PKD2L1: variants seen among roughly 807,000 people sequenced by gnomAD.
PKD2L1 encodes the protein polycystin-2-like protein 1.
Under a neutral mutation model 93.0 loss-of-function variants are expected in PKD2L1, and 77 were observed. The ratio of observed to expected loss-of-function variants is 0.83; its 90% CI spans 0.69 to 1.00. The LOEUF (loss-of-function observed/expected upper bound fraction) is 1.00, where lower values mean the gene tolerates loss of function less well. Ranked by LOEUF, PKD2L1 falls within the 50% of genes least tolerant of loss-of-function variation. The probability of loss-of-function intolerance (pLI) is 0.00; values close to 1 mark genes in which losing one functional copy is unlikely to be tolerated. For missense variants in PKD2L1, 977 were observed against 990.9 expected, an observed-to-expected ratio of 0.99 and a Z score of 0.19; for synonymous variants, 390 against 388.0, an observed-to-expected ratio of 1.01 and a Z score of -0.06.
chr10:100,312,299 G>A (rs1158274329), intron 2 of PKD2L1, among the ~76,000 whole-genome samples: 1 of 152,222 alleles, frequency 6.6e-6, no homozygotes, highest in Admixed American at 6.5e-5. Context: ...TAGGGCTTAG[G>A]TTCAGAAGAT....
chr10:100,299,937 C>A (rs1456621797), intron 2 of PKD2L1, among the ~76,000 whole-genome samples: 4 of 152,204 alleles, frequency 2.6e-5, no homozygotes, highest in Non-Finnish European at 5.9e-5. Flanking sequence ...CTTCTTCCAA[C>A]CCACCTCAGA....
intron 10 of PKD2L1, 44 bp downstream of exon 10, chr10:100,293,237 G>A: frequency 6.6e-7 from 1 of 1,517,230 alleles, no homozygotes; most frequent in East Asian, 2.3e-5. Flanking sequence ...CCTTAGACTG[G>A]GGCACTGATG....
At chr10:100,292,913 T>G (rs764404324) in intron 11 of PKD2L1, 35 bp downstream of exon 11, 3 of 1,602,282 alleles carry the variant, frequency 1.9e-6, no homozygotes, top group Admixed American at 1.7e-5. Flanking sequence ...CTTAAGAGAC[T>G]GTTATTAGAG....
intron 12 of PKD2L1, 62 bp from the exon 13 acceptor site, chr10:100,290,581 T>A: frequency 1.0e-6 from 1 of 1,000,588 alleles, no homozygotes; most frequent in Non-Finnish European, 1.6e-6. Context: ...CAGCTCCTGT[T>A]CTATCACCTA....
chr10:100,318,971 G>A (rs1385556289), intron 2 of PKD2L1, among the ~76,000 whole-genome samples: 1 of 151,166 alleles, frequency 6.6e-6, no homozygotes, highest in Non-Finnish European at 1.5e-5. Flanking sequence ...TCAGCTTCCC[G>A]AGTAGCTGGG....
In PKD2L1 at chr10:100,330,162, G is replaced by A; in HGVS notation, c.-59C>T. The A allele has an allele frequency of 1.8e-6, 2 of 1,110,502 alleles. No individual in the cohort carries two copies. Among genetic ancestry groups the A allele is most frequent in the Admixed American group, 2.2e-5 (1 of 44,694 alleles). 68.8% of individuals were successfully genotyped at this position (1,110,502 alleles called of 1,614,324 possible). On this transcript the variant is annotated 5_prime_UTR_variant, in exon 1 of 16. Transcript: ENST00000318222. ...TGCCCACTCTCAGCTAGAGGAAGAG[G>A]GAGCAGAGGCACAGCCCAGCCTAGC...
At chr10:100,290,234 A>G in intron 13 of PKD2L1, 96 bp from the exon 14 acceptor site, 4 of 1,514,906 alleles carry the variant, frequency 2.6e-6, no homozygotes, top group Non-Finnish European at 3.6e-6. Context: ...ATGTGTCCTG[A>G]ATGGAACAAG....
intron 3 of PKD2L1, among the ~76,000 whole-genome samples, 189 bp downstream of exon 3, chr10:100,299,402 T>C (rs1032616813): frequency 6.6e-6 from 1 of 152,208 alleles, no homozygotes; most frequent in African/African-American, 2.4e-5. Context: ...AATTCCCTGA[T>C]TGCTGTATTA....
chr10:100,314,983 GAAGGAAGGAAGGAAGGAAGGAA>G (rs1439939870), intron 2 of PKD2L1, among the ~76,000 whole-genome samples: 1 of 15,486 alleles, frequency 6.5e-5, no homozygotes, highest in Non-Finnish European at 1.2e-4. Flanking sequence ...AGGAAGGAAG[GAAGGAAGGAAGGAAGGAAGGAA>G]GGAAGGAAGG....
intron 2 of PKD2L1, among the ~76,000 whole-genome samples, chr10:100,319,488 A>G (rs998472881): frequency 6.6e-6 from 1 of 152,234 alleles, no homozygotes; most frequent in African/African-American, 2.4e-5. Flanking sequence ...TTACAGCCAC[A>G]CAGGAACTCA....
intron 9 of PKD2L1, 97 bp from the exon 10 acceptor site, chr10:100,293,476 G>T: frequency 1.2e-6 from 1 of 801,934 alleles, no homozygotes; most frequent in East Asian, 2.5e-5. Context: ...GTGTTCCAAA[G>T]GGGTCAGTGC....
chr10:100,322,210 G>T (rs1303646256), intron 2 of PKD2L1, among the ~76,000 whole-genome samples: 1 of 151,960 alleles, frequency 6.6e-6, no homozygotes, highest in Non-Finnish European at 1.5e-5. Context: ...ACAGAGCAAG[G>T]CCCGGTCTCA....
chr10:100,308,053 G>A (rs748829762), intron 2 of PKD2L1, among the ~76,000 whole-genome samples: 2 of 152,176 alleles, frequency 1.3e-5, no homozygotes, highest in Non-Finnish European at 2.9e-5. Flanking sequence ...GAGAATGTGC[G>A]AAGGGGTTTC....
rs545125291 is a variant in PKD2L1 at position 100,293,020 on chromosome 10, G to A, written c.1808C>T (p.Ser603Leu). 37 of 1,614,090 alleles carry A rather than the reference G, an allele frequency of 2.3e-5. No homozygotes were observed. The East Asian group carries it at 7.6e-4, about 33-fold the overall frequency. ...ACCCTGCAGGACCTTCTGCACATCC[G>A]AAACCCTCTCCTTCCTCAGACGCAG... ...LRLRLRKERV[S>L]DVQKVLQGGE... The change falls in exon 11 of 16, where the codon TCG becomes TTG. Residue 603 changes from serine (S) to leucine (L), a missense_variant. Coordinates refer to ENST00000318222, the MANE Select transcript of PKD2L1 (RefSeq NM_016112.3).
intron 11 of PKD2L1, among the ~76,000 whole-genome samples, chr10:100,292,707 T>C (rs1848431277): frequency 6.6e-6 from 1 of 152,162 alleles, no homozygotes. Flanking sequence ...ATTATTACAT[T>C]GTTTCCTAAG....
intron 2 of PKD2L1, among the ~76,000 whole-genome samples, chr10:100,326,151 T>C (rs1849374436): frequency 6.6e-6 from 1 of 152,190 alleles, no homozygotes. Context: ...ACTTCTGCCC[T>C]CTCCTCAGGA....
Position 100,288,459 on chromosome 10 carries a change from TTC to T in PKD2L1, c.2353_2354del (p.Glu785ArgfsTer13). The T allele has an allele frequency of 6.2e-7, 1 of 1,610,466 alleles. No homozygotes were observed. Among genetic ancestry groups the T allele is most frequent in the South Asian group, 1.1e-5 (1 of 91,006 alleles). On this transcript the variant is annotated frameshift_variant, in exon 16 of 16. Coordinates refer to ENST00000318222, the MANE Select transcript of PKD2L1 (RefSeq NM_016112.3). LOFTEE classifies it low-confidence loss of function (END_TRUNC). ...GTCTCCTCTCCTCTAAGGCTTCCTC[TTC>T]TCTTTTATAGGGAACCTCTGTGGGG... is the stretch of plus-strand genomic sequence containing the variant. The part of the protein sequence containing the change: ...GQESEVPYKR[E>X]EEALEERRLS...
intron 2 of PKD2L1, among the ~76,000 whole-genome samples, chr10:100,316,738 G>A (rs919593259): frequency 6.6e-6 from 1 of 152,156 alleles, no homozygotes; most frequent in Admixed American, 6.5e-5. Context: ...ATATTTTGAG[G>A]ACTACAAACA....
intron 7 of PKD2L1, 76 bp from the exon 8 acceptor site, chr10:100,295,199 T>C (rs693515): frequency 0.013 from 15,382 of 1,225,926 alleles, 138 homozygotes; most frequent in Middle Eastern, 0.025. Flanking sequence ...CAAGGGCCTA[T>C]GGAGGCCACA....
Sources: gnomAD v4.1 joint callset for allele counts (sites outside exome capture counted in the v4.1 genomes callset) on GRCh38, gnomAD v4.1.1 for gene constraint, MANE v1.5 for transcripts, NCBI Gene and HGNC (gene_info 2026-07-23, HGNC 2026-07-21) for gene names.